PTPRM: variants seen among roughly 807,000 people sequenced by gnomAD.
PTPRM encodes receptor-type tyrosine-protein phosphatase mu.
PTPRM carries 47 observed loss-of-function variants against 186.7 expected under a neutral mutation model. The ratio of observed to expected loss-of-function variants is 0.25; its 90% confidence interval spans 0.20 to 0.32. The LOEUF is 0.32. Among genes scored for constraint, PTPRM ranks in the 10% least tolerant of loss-of-function variants. The pLI, the probability that PTPRM is intolerant of heterozygous loss-of-function variation, is 1.00. For synonymous variants in PTPRM, 668 were observed against 674.9 expected (o/e 0.99, Z 0.16); for missense variants, 1,494 against 1,865.0 (o/e 0.80, Z 3.66).
intron 2 of PTPRM, among the ~76,000 whole-genome samples, chr18:7,867,661 T>G (rs2047778912): frequency 6.6e-6 from 1 of 152,220 alleles, no homozygotes; most frequent in Admixed American, 6.5e-5. Context: ...TTGTTGAATC[T>G]GATGATTATG....
chr18:8,212,953 C>G (rs1276482187), intron 14 of PTPRM, among the ~76,000 whole-genome samples: 1 of 152,192 alleles, frequency 6.6e-6, no homozygotes, highest in Non-Finnish European at 1.5e-5. Flanking sequence ...GCCAACTCCT[C>G]ATCTGCTGGG....
Position 7,743,625 on chromosome 18 carries a change from G to A in PTPRM, c.74-30524G>A, listed in dbSNP as rs144981896. Among the ~76,000 whole-genome samples the A allele has an allele frequency of 3.9e-5, 6 of 152,244 alleles. No homozygotes were observed. In the East Asian group the frequency reaches 1.2e-3, roughly 29 times the overall value. ...GCTTTATTTAAGAAGTAGACATAGG[G>A]CTTTATTAGTGCAGGATTAAGCATG... On this transcript the variant is annotated intron_variant, in intron 1 of 32. Transcript: ENST00000580170.
chr18:7,813,539 C>T (rs1160321672), intron 2 of PTPRM, among the ~76,000 whole-genome samples: 1 of 152,148 alleles, frequency 6.6e-6, no homozygotes, highest in African/African-American at 2.4e-5. Flanking sequence ...CAGATGTGGA[C>T]CCCCTTCCTA....
At chr18:7,621,786 T>C (rs984908932) in intron 1 of PTPRM, among the ~76,000 whole-genome samples, 2 of 152,210 alleles carry the variant, frequency 1.3e-5, no homozygotes, top group Non-Finnish European at 2.9e-5. Context: ...CCATGTCTTT[T>C]TGTGGCTTGA....
At chr18:7,615,114 C>T (rs1388500228) in intron 1 of PTPRM, among the ~76,000 whole-genome samples, 6 of 151,800 alleles carry the variant, frequency 4.0e-5, no homozygotes, top group African/African-American at 9.7e-5. Context: ...TCTTCAAAAT[C>T]GTTTGTTGCT....
At chr18:7,578,502 A>AT (rs1340110092) in intron 1 of PTPRM, among the ~76,000 whole-genome samples, 1 of 151,570 alleles carries the variant, frequency 6.6e-6, no homozygotes, top group African/African-American at 2.4e-5. Context: ...TGCCCGGCTA[A>AT]TTTTTTGTAT....
intron 17 of PTPRM, chr18:8,248,458 T>C (rs1902710861): frequency 2.0e-6 from 1 of 497,544 alleles, no homozygotes; most frequent in African/African-American, 2.0e-5. Context: ...TGTTCAGAAT[T>C]TAAAGTTAGG....
chr18:8,159,066 A>G (rs2093178185), intron 14 of PTPRM, among the ~76,000 whole-genome samples: 1 of 152,202 alleles, frequency 6.6e-6, no homozygotes, highest in South Asian at 2.1e-4. Flanking sequence ...ATTTCTTTTT[A>G]ACAGGGAAAT....
At chr18:7,856,785 A>G (rs752311610) in intron 2 of PTPRM, among the ~76,000 whole-genome samples, 12 of 151,930 alleles carry the variant, frequency 7.9e-5, no homozygotes, top group Non-Finnish European at 1.5e-4. Flanking sequence ...GCTTTGAATG[A>G]CACTACTGTT....
chr18:7,589,478 C>T (rs1282240057), intron 1 of PTPRM, among the ~76,000 whole-genome samples: 2 of 152,152 alleles, frequency 1.3e-5, no homozygotes, highest in East Asian at 1.9e-4. Context: ...AATGCTGGAG[C>T]TGGGCCCTAT....
chr18:7,795,798 CT>C, intron 2 of PTPRM, among the ~76,000 whole-genome samples: 1 of 139,166 alleles, frequency 7.2e-6, no homozygotes, highest in Admixed American at 7.2e-5. Context: ...CGCATTTTTT[CT>C]TTCTTTCTTT....
intron 7 of PTPRM, among the ~76,000 whole-genome samples, chr18:8,042,727 C>A (rs2086771161): frequency 6.6e-6 from 1 of 152,048 alleles, no homozygotes; most frequent in South Asian, 2.1e-4. Flanking sequence ...GCTCTTGTCC[C>A]ATTGTCCCCT....
intron 1 of PTPRM, among the ~76,000 whole-genome samples, chr18:7,725,685 G>A (rs2040534351): frequency 6.6e-6 from 1 of 152,096 alleles, no homozygotes; most frequent in South Asian, 2.1e-4. Context: ...ATGTTGCTTT[G>A]GAGAGGATTC....
intron 12 of PTPRM, 38 bp downstream of exon 12, chr18:8,113,797 G>T (rs781617625): frequency 1.9e-6 from 3 of 1,558,548 alleles, no homozygotes; most frequent in Non-Finnish European, 2.6e-6. Context: ...AGGCTATTTG[G>T]GGTTGTTAAT....
intron 2 of PTPRM, among the ~76,000 whole-genome samples, chr18:7,794,312 A>G (rs779909368): frequency 1.2e-4 from 19 of 152,114 alleles, no homozygotes; most frequent in Non-Finnish European, 2.1e-4. Flanking sequence ...AGCTGTAAAC[A>G]TTCACCCCTA....
At chr18:7,822,844 CTT>C (rs949499720) in intron 2 of PTPRM, among the ~76,000 whole-genome samples, 7 of 152,218 alleles carry the variant, frequency 4.6e-5, no homozygotes, top group Admixed American at 1.3e-4. Context: ...GCCGTCCTCT[CTT>C]GTTTTCACAC....
intron 1 of PTPRM, among the ~76,000 whole-genome samples, chr18:7,729,022 T>C (rs2144380033): frequency 6.6e-6 from 1 of 151,606 alleles, no homozygotes; most frequent in East Asian, 2.0e-4. Context: ...GCAATCCTCC[T>C]GCCTCAGCCT....
At chr18:8,242,790 G>C (rs1030228140) in intron 14 of PTPRM, among the ~76,000 whole-genome samples, 9 of 152,124 alleles carry the variant, frequency 5.9e-5, no homozygotes, top group Non-Finnish European at 1.2e-4. Flanking sequence ...TATCCGTATG[G>C]TCTTATGTTG....
At chr18:8,065,751 A>G (rs1209724087) in intron 7 of PTPRM, among the ~76,000 whole-genome samples, 1 of 152,172 alleles carries the variant, frequency 6.6e-6, no homozygotes, top group East Asian at 1.9e-4. Context: ...TTACCCTTTT[A>G]TCTAACTGTA....
Sources: gnomAD v4.1 joint callset for allele counts (sites outside exome capture counted in the v4.1 genomes callset) on GRCh38, gnomAD v4.1.1 for gene constraint, MANE v1.5 for transcripts, NCBI Gene and HGNC (gene_info 2026-07-23, HGNC 2026-07-21) for gene names.